The following KIAA1217 variants were observed in gnomAD, a reference collection of about 807,000 sequenced individuals.
KIAA1217 encodes sickle tail protein homolog.
KIAA1217 carries 88 observed loss-of-function variants against 163.9 expected under a neutral mutation model. The ratio of observed to expected loss-of-function variants is 0.54; its 90% confidence interval spans 0.45 to 0.64. The LOEUF (loss-of-function observed/expected upper bound fraction) is 0.64, where lower values mean the gene tolerates loss of function less well. Ranked by LOEUF, KIAA1217 falls within the 30% of genes least tolerant of loss-of-function variation. KIAA1217 has a pLI of 0.00. For synonymous variants in KIAA1217, 903 were observed against 923.1 expected (o/e 0.98, Z 0.39); for missense variants, 2,372 against 2,475.0 (o/e 0.96, Z 0.88).
At chr10:23,815,939 G>T (rs944539980) in intron 1 of KIAA1217, among the ~76,000 whole-genome samples, 2 of 151,556 alleles carry the variant, frequency 1.3e-5, no homozygotes, top group African/African-American at 2.4e-5. Flanking sequence ...TTACCACATA[G>T]CCCTTTCCTT....
At chr10:23,997,447 T>C (rs1272013624) in intron 1 of KIAA1217, among the ~76,000 whole-genome samples, 6 of 152,204 alleles carry the variant, frequency 3.9e-5, no homozygotes, top group Admixed American at 3.9e-4. Flanking sequence ...GGGAAAAATA[T>C]ATATTGTGGA....
chr10:23,987,912 C>T (rs752457549), intron 1 of KIAA1217, among the ~76,000 whole-genome samples: 13 of 152,030 alleles, frequency 8.6e-5, no homozygotes, highest in South Asian at 2.1e-4. Flanking sequence ...ACTTTTAAGT[C>T]GTAGGATACT....
At chr10:23,735,103 T>C (rs1441994656) in intron 1 of KIAA1217, among the ~76,000 whole-genome samples, 1 of 152,222 alleles carries the variant, frequency 6.6e-6, no homozygotes, top group Non-Finnish European at 1.5e-5. Flanking sequence ...AATATTGCTA[T>C]AGGTGTCTGT....
intron 2 of KIAA1217, among the ~76,000 whole-genome samples, chr10:24,046,147 G>T (rs1323227592): frequency 2.0e-5 from 3 of 151,800 alleles, no homozygotes; most frequent in African/African-American, 7.3e-5. Flanking sequence ...CTGTTCTAAA[G>T]AACAACTTTC....
intron 4 of KIAA1217, among the ~76,000 whole-genome samples, chr10:24,436,131 G>C (rs2060001400): frequency 6.6e-6 from 1 of 152,018 alleles, no homozygotes; most frequent in Non-Finnish European, 1.5e-5. Context: ...AAAGTGCTGG[G>C]ATTATAAGCG....
intron 2 of KIAA1217, chr10:24,367,015 A>G (rs1043207189): frequency 9.3e-6 from 2 of 215,624 alleles, no homozygotes; most frequent in African/African-American, 4.7e-5. Context: ...CTACATTTTC[A>G]TCATGAATAA....
intron 2 of KIAA1217, among the ~76,000 whole-genome samples, chr10:24,181,367 T>A (rs2066162872): frequency 6.6e-6 from 1 of 152,168 alleles, no homozygotes; most frequent in Non-Finnish European, 1.5e-5. Context: ...AGGAATTACC[T>A]GTAGAAAGGC....
chr10:23,867,070 A>G (rs893629902), intron 1 of KIAA1217, among the ~76,000 whole-genome samples: 159 of 143,906 alleles, frequency 1.1e-3, no homozygotes, highest in African/African-American at 3.8e-3. Context: ...TCATTGTTCA[A>G]TTCCCACCTA....
intron 1 of KIAA1217, among the ~76,000 whole-genome samples, chr10:23,934,621 A>ATTTTTTT (rs1417805516): frequency 6.2e-4 from 38 of 61,710 alleles, no homozygotes; most frequent in East Asian, 2.0e-3. Flanking sequence ...ATATATATAT[A>ATTTTTTT]TATATTTTTT....
intron 1 of KIAA1217, among the ~76,000 whole-genome samples, chr10:23,972,148 T>C (rs1023607697): frequency 2.6e-5 from 4 of 152,348 alleles, no homozygotes; most frequent in African/African-American, 9.6e-5. Flanking sequence ...CATTGGTCAC[T>C]CATATTTAAC....
At position 23,777,348 on chromosome 10, in the gene KIAA1217, T is replaced by C. The variant is rs80325060; in HGVS notation, c.-321+82114T>C. 1.2e-3 allele frequency among the ~76,000 whole-genome samples: 180 copies of C among 152,370 alleles called. 13 individuals carry two copies. In the East Asian group the frequency reaches 0.028, roughly 24 times the overall value. On this transcript the variant is annotated intron_variant, in intron 1 of 18. Transcript: ENST00000376462. ...TTTTCCTTTCCAGTTTAAAAGAGTA[T>C]ATTTAACATTCCATCTTAGACAATG...
chr10:24,423,999 A>T (rs1423389703), intron 3 of KIAA1217, among the ~76,000 whole-genome samples: 1 of 152,230 alleles, frequency 6.6e-6, no homozygotes, highest in Non-Finnish European at 1.5e-5. Flanking sequence ...TCCTTCTTGA[A>T]TACAGCAAAA....
At chr10:23,717,731 T>C (rs1392609171) in intron 1 of KIAA1217, among the ~76,000 whole-genome samples, 1 of 152,162 alleles carries the variant, frequency 6.6e-6, no homozygotes, top group Non-Finnish European at 1.5e-5. Context: ...GCAAAATGTA[T>C]GCTAGAAATC....
At chr10:24,332,182 T>C (rs1277695829) in intron 2 of KIAA1217, among the ~76,000 whole-genome samples, 3 of 152,142 alleles carry the variant, frequency 2.0e-5, no homozygotes, top group African/African-American at 4.8e-5. Context: ...TTACTGGAAG[T>C]TGGGAGAGTA....
chr10:23,751,279 C>T (rs1295908041), intron 1 of KIAA1217, among the ~76,000 whole-genome samples: 1 of 152,098 alleles, frequency 6.6e-6, no homozygotes, highest in Non-Finnish European at 1.5e-5. Context: ...CTGCCTGCCT[C>T]GGCCTTCCAA....
At chr10:23,737,383 C>T (rs1449819345) in intron 1 of KIAA1217, among the ~76,000 whole-genome samples, 2 of 141,994 alleles carry the variant, frequency 1.4e-5, no homozygotes, top group African/African-American at 2.7e-5. Context: ...TTAGTAGAGA[C>T]GGGGTTTCAC....
At chr10:23,895,546 A>G (rs1431144124) in intron 1 of KIAA1217, among the ~76,000 whole-genome samples, 1 of 152,126 alleles carries the variant, frequency 6.6e-6, no homozygotes, top group Non-Finnish European at 1.5e-5. Flanking sequence ...CTGTTGGTGG[A>G]CTGTAAACTA....
intron 2 of KIAA1217, among the ~76,000 whole-genome samples, chr10:24,314,518 C>G (rs192781851): frequency 6.6e-6 from 1 of 152,310 alleles, no homozygotes; most frequent in Admixed American, 6.5e-5. Flanking sequence ...CATGTTATAA[C>G]TGTAGAAAAC....
chr10:23,722,239 A>G lies in KIAA1217; in HGVS notation c.-321+27005A>G, dbSNP rs11013659. Among the ~76,000 whole-genome samples the G allele has an allele frequency of 2.8e-4, 43 of 152,252 alleles. 1 individual carries two copies. The East Asian group carries it at 8.1e-3, about 29-fold the overall frequency. ...GAGATTAATGTGTATAATGAGTCTCAGTTTTGCAGTTCAGTTTTGCAAGAT... is the reference window on the plus strand; with the variant it reads ...GAGATTAATGTGTATAATGAGTCTCGGTTTTGCAGTTCAGTTTTGCAAGAT... On this transcript the variant is annotated intron_variant, in intron 1 of 18. Transcript: ENST00000376462.
Sources: gnomAD v4.1 joint callset for allele counts (sites outside exome capture counted in the v4.1 genomes callset) on GRCh38, gnomAD v4.1.1 for gene constraint, MANE v1.5 for transcripts, NCBI Gene and HGNC (gene_info 2026-07-23, HGNC 2026-07-21) for gene names.